The following CELF2 variants were observed in gnomAD, a reference collection of about 807,000 sequenced individuals.
CELF2 encodes CUG triplet repeat RNA-binding protein 2.
CELF2 carries 8 observed loss-of-function variants against 62.6 expected under a neutral mutation model. That is an observed-to-expected ratio of 0.13 (90% CI 0.07 to 0.23). The LOEUF (loss-of-function observed/expected upper bound fraction) is 0.23, where lower values mean the gene tolerates loss of function less well. Ranked by LOEUF, CELF2 falls within the 10% of genes least tolerant of loss-of-function variation. The probability of loss-of-function intolerance (pLI) is 1.00; values close to 1 mark genes in which losing one functional copy is unlikely to be tolerated. For synonymous variants in CELF2, 258 were observed against 250.0 expected (o/e 1.03, Z -0.30); for missense variants, 333 against 671.0 (o/e 0.50, Z 5.56).
chr10:10,883,582 G>C (rs1310280324), intron 1 of CELF2, among the ~76,000 whole-genome samples: 1 of 152,112 alleles, frequency 6.6e-6, no homozygotes, highest in Non-Finnish European at 1.5e-5. Flanking sequence ...GTAGTTGTGT[G>C]CTTCTCATGC....
Position 11,270,757 on chromosome 10 carries a change from A to C in CELF2, c.710A>C (p.Gln237Pro). 1.9e-6 allele frequency: 3 copies of C among 1,565,678 alleles called. No homozygotes were observed. Among genetic ancestry groups the C allele is most frequent in the Non-Finnish European group, 8.7e-7 (1 of 1,152,276 alleles). ...RLQQQLAQQM[Q>P]QLNTATWGNL... ...CAGCAGCAGCTCGCTCAGCAGATGC[A>C]GCAGCTCAACACTGCCACCTGGGGG... The change falls in exon 7 of 13, where the codon CAG (glutamine) becomes CCG (proline). Residue 237 changes from glutamine to proline, a missense_variant. Gln to Pro is a moderately conservative substitution (Grantham distance 76). Around this residue, in one of 3 missense-constraint regions of CELF2, gnomAD observed 253 missense variants for 503.0 expected, o/e 0.50. Transcript: ENST00000633077. The surrounding 1 kb of genome is among the most constrained non-coding windows in gnomAD (Gnocchi z 5.8).
chr10:10,561,264 T>G, the CELF2 span, among the ~76,000 whole-genome samples: 1 of 152,156 alleles, frequency 6.6e-6, no homozygotes, highest in South Asian at 2.1e-4. Context: ...CTCTCCCCTT[T>G]CCAGCCACAC....
rs550628779 is a variant in CELF2 at position 10,962,902 on chromosome 10, C to T, written c.89+42903C>T. Among the ~76,000 whole-genome samples the T allele has an allele frequency of 4.6e-5, 7 of 152,280 alleles. No individual in the cohort carries two copies. In the East Asian group the frequency reaches 1.4e-3, roughly 29 times the overall value. On this transcript the variant is annotated intron_variant, in intron 2 of 13. Coordinates refer to the CELF2 transcript ENST00000636488. ...TTTGCTTGGCCATTTTCCATAGTGA[C>T]CATATATTGCTTATGCTTTAGGAGT...
At chr10:10,541,571 G>C in the CELF2 span, among the ~76,000 whole-genome samples, 1 of 152,200 alleles carries the variant, frequency 6.6e-6, no homozygotes, top group Non-Finnish European at 1.5e-5. Flanking sequence ...TCCCAGAACT[G>C]AGGGTTCCTC....
Position 10,799,222 on chromosome 10 carries a change from A to G in CELF2, c.53+405A>G, listed in dbSNP as rs533909577. 6.6e-5 allele frequency among the ~76,000 whole-genome samples: 10 copies of G among 152,266 alleles called. No homozygotes were observed. The South Asian group carries it at 1.7e-3, about 25-fold the overall frequency. The stretch of plus-strand genomic sequence containing the variant: ...TGGCCAGGTGCGGAGGCTCACATCT[A>G]TAATCCCGCACTTTGGGACGCCAAG... On this transcript the variant is annotated intron_variant, in intron 1 of 13. Transcript: ENST00000636488.
At chr10:10,747,048 G>A in the CELF2 span, among the ~76,000 whole-genome samples, 2 of 152,184 alleles carry the variant, frequency 1.3e-5, no homozygotes, top group African/African-American at 2.4e-5. Flanking sequence ...GGAAATATTT[G>A]TTGAATTTGT....
In CELF2 at chr10:11,107,735, A is replaced by G. The variant is rs578147944; in HGVS notation, c.75-57751A>G. 2.0e-5 allele frequency among the ~76,000 whole-genome samples: 3 copies of G among 150,920 alleles called. No homozygotes were observed. The South Asian group carries it at 6.3e-4, about 32-fold the overall frequency. ...CAGGTCTCCCCTTGTTCCTTCTCTC[A>G]TTCCTGGATCCTTTCTCTCATTCCC... On this transcript the variant is annotated intron_variant, in intron 1 of 12. Transcript: ENST00000633077.
At chr10:10,627,965 C>T in the CELF2 span, among the ~76,000 whole-genome samples, 3 of 152,136 alleles carry the variant, frequency 2.0e-5, no homozygotes, top group African/African-American at 4.8e-5. Flanking sequence ...TGCAGTGGCA[C>T]GATCTCAGCT....
In CELF2 at chr10:11,335,745, GT is replaced by G. The variant is rs2096108152; in HGVS notation, c.*6693del. 1 of 151,932 alleles carries G rather than the reference GT, an allele frequency of 6.6e-6. No individual in the cohort carries two copies. Among genetic ancestry groups the G allele is most frequent in the Non-Finnish European group, 1.5e-5 (1 of 67,990 alleles). 9.4% of individuals were successfully genotyped at this position (151,932 alleles called of 1,614,324 possible). A position where few individuals can be genotyped will look rare whatever the true frequency, so the allele number is the denominator to read the frequency against. Reference sequence around the variant, plus strand: ...AGGGGGATGTTGGGAGGCATGGGGGGTGATTAAATTATCATTTCCAAGGTGC... The same window carrying G: ...AGGGGGATGTTGGGAGGCATGGGGGGGATTAAATTATCATTTCCAAGGTGC... On this transcript the variant is annotated 3_prime_UTR_variant, in exon 13 of 13. Coordinates refer to ENST00000633077, the MANE Select transcript of CELF2 (RefSeq NM_001326342.2). This position sits in a 1 kb window ranked among gnomAD's most constrained non-coding sequence, Gnocchi z 5.0.
At chr10:10,832,903 T>C (rs775529465) in intron 1 of CELF2, among the ~76,000 whole-genome samples, 3 of 152,124 alleles carry the variant, frequency 2.0e-5, no homozygotes, top group African/African-American at 4.8e-5. Flanking sequence ...AAAACTGGCT[T>C]TCTCAGATAT....
At position 11,103,487 on chromosome 10, in the gene CELF2, A is replaced by ATTTTTTTTTTTTTTTTTTTTTTTTT. The variant is rs3054364; in HGVS notation, c.75-61979_75-61978insTTTTTTTTTTTTTTTTTTTTTTTTT. Among the ~76,000 whole-genome samples, 38 of 119,722 alleles carry ATTTTTTTTTTTTTTTTTTTTTTTTT rather than the reference A, an allele frequency of 3.2e-4. 1 individual carries two copies. The highest frequency in any genetic ancestry group is 1.1e-3 in the African/African-American group (31 of 28,566). The allele number at this position is 119,722 out of a possible 152,430, so 78.5% of individuals were successfully genotyped here. Reference sequence around the variant, plus strand: ...CGGATAAACCTGTGTTTGTAGCCTGATTTTTTTTTTTTTTTTTTTTACTGT... The same window carrying ATTTTTTTTTTTTTTTTTTTTTTTTT: ...CGGATAAACCTGTGTTTGTAGCCTGATTTTTTTTTTTTTTTTTTTTTTTTTTTTTTTTTTTTTTTTTTTTTACTGT... On this transcript the variant is annotated intron_variant, in intron 1 of 12. Coordinates refer to ENST00000633077, the MANE Select transcript of CELF2 (RefSeq NM_001326342.2).
At chr10:11,125,077 A>G (rs2058444212) in intron 1 of CELF2, among the ~76,000 whole-genome samples, 1 of 152,128 alleles carries the variant, frequency 6.6e-6, no homozygotes, top group South Asian at 2.1e-4. Context: ...ACTTAGCTGG[A>G]CCATTAAGTA....
chr10:11,111,907 TGGA>T (rs2055275693), intron 1 of CELF2, among the ~76,000 whole-genome samples: 1 of 152,246 alleles, frequency 6.6e-6, no homozygotes, highest in Non-Finnish European at 1.5e-5. Flanking sequence ...ATCAAATGTT[TGGA>T]GGAGGAGAGA....
the CELF2 span, among the ~76,000 whole-genome samples, chr10:10,544,454 G>A: frequency 2.0e-4 from 31 of 152,186 alleles, no homozygotes; most frequent in African/African-American, 6.3e-4. Context: ...TTCGCTCTGC[G>A]CTTCAGTGGA....
intron 1 of CELF2, among the ~76,000 whole-genome samples, chr10:10,852,429 G>A (rs911300880): frequency 6.6e-6 from 1 of 152,216 alleles, no homozygotes; most frequent in Admixed American, 6.5e-5. Flanking sequence ...ATTAGTAGGT[G>A]CTGGAGTTGG....
chr10:11,254,537 T>G (rs2078115041), intron 4 of CELF2, among the ~76,000 whole-genome samples: 2 of 152,242 alleles, frequency 1.3e-5, no homozygotes, highest in African/African-American at 4.8e-5. Context: ...ATGAGTAGTT[T>G]CCATTTTCTT....
chr10:11,135,888 C>G (rs1157293059), intron 1 of CELF2, among the ~76,000 whole-genome samples: 1 of 152,316 alleles, frequency 6.6e-6, no homozygotes, highest in East Asian at 1.9e-4. Flanking sequence ...TAGCATCTCA[C>G]TCTAGACCTG....
the CELF2 span, among the ~76,000 whole-genome samples, chr10:10,733,021 CATGGAGT>C: frequency 6.6e-6 from 1 of 152,160 alleles, no homozygotes; most frequent in Non-Finnish European, 1.5e-5. Flanking sequence ...ATGGGCTTAG[CATGGAGT>C]ACCTATTCCC....
the CELF2 span, among the ~76,000 whole-genome samples, chr10:10,496,195 T>G: frequency 1.3e-5 from 2 of 152,238 alleles, no homozygotes; most frequent in Non-Finnish European, 2.9e-5. Context: ...AACTCAGATC[T>G]GTACAATCCT....
Sources: gnomAD v4.1 joint callset for allele counts (sites outside exome capture counted in the v4.1 genomes callset) on GRCh38, gnomAD v4.1.1 for gene constraint, gnomAD v4.1.1 regional missense constraint, Gnocchi (gnomAD v3.1) non-coding constraint, MANE v1.5 for transcripts, NCBI Gene and HGNC (gene_info 2026-07-23, HGNC 2026-07-21) for gene names.